MCTP1: variants seen among roughly 807,000 people sequenced by gnomAD.
The protein encoded by MCTP1 is multiple C2 and transmembrane domain containing 1.
MCTP1 carries 69 observed loss-of-function variants against 120.6 expected under a neutral mutation model. The ratio of observed to expected loss-of-function variants is 0.57; its 90% CI spans 0.47 to 0.70. The LOEUF is 0.70. MCTP1 is among the 30% of genes least tolerant of loss of function. The probability of loss-of-function intolerance (pLI) is 0.00; values close to 1 mark genes in which losing one functional copy is unlikely to be tolerated. For synonymous variants in MCTP1, 529 were observed against 493.1 expected (o/e 1.07, Z -0.96); for missense variants, 1,203 against 1,248.8 (o/e 0.96, Z 0.55).
intron 1 of MCTP1, among the ~76,000 whole-genome samples, chr5:95,054,986 T>C (rs1746998271): frequency 6.6e-6 from 1 of 152,122 alleles, no homozygotes; most frequent in African/African-American, 2.4e-5. Context: ...TTTTGTATTT[T>C]TAGTAGAAAA....
chr5:95,059,666 A>C (rs571315600), intron 1 of MCTP1, among the ~76,000 whole-genome samples: 1 of 152,282 alleles, frequency 6.6e-6, no homozygotes, highest in East Asian at 1.9e-4. Context: ...TCATACCCTT[A>C]GTTATATCTT....
chr5:94,747,881 A>G (rs1354466940), intron 19 of MCTP1, among the ~76,000 whole-genome samples: 1 of 152,202 alleles, frequency 6.6e-6, no homozygotes, highest in East Asian at 1.9e-4. Flanking sequence ...ATCTGAGGTC[A>G]GGAGTTTGAG....
chr5:94,920,477 T>C (rs1174336557), intron 7 of MCTP1, among the ~76,000 whole-genome samples: 1 of 152,090 alleles, frequency 6.6e-6, no homozygotes, highest in Non-Finnish European at 1.5e-5. Flanking sequence ...GCGCGGTGGC[T>C]CACGCCTGTA....
intron 17 of MCTP1, among the ~76,000 whole-genome samples, chr5:94,854,855 A>G (rs1794441061): frequency 6.6e-6 from 1 of 151,876 alleles, no homozygotes; most frequent in Non-Finnish European, 1.5e-5. Context: ...CTGATTTTCT[A>G]TAAAAGTGAA....
intron 6 of MCTP1, among the ~76,000 whole-genome samples, chr5:94,925,337 A>G (rs1249172856): frequency 6.6e-6 from 1 of 152,228 alleles, no homozygotes; most frequent in Non-Finnish European, 1.5e-5. Flanking sequence ...ATCTTAAAGC[A>G]TAATTGTAGA....
intron 17 of MCTP1, chr5:94,826,537 A>C: frequency 2.8e-6 from 2 of 715,692 alleles, no homozygotes; most frequent in South Asian, 2.7e-5. Context: ...ATAGTGCTTC[A>C]TTTTTTCATA....
At chr5:95,060,091 GC>G (rs1314372903) in intron 1 of MCTP1, among the ~76,000 whole-genome samples, 1 of 152,152 alleles carries the variant, frequency 6.6e-6, no homozygotes, top group East Asian at 1.9e-4. Flanking sequence ...CAAGCCTGGG[GC>G]TATTCTTTGC....
chr5:94,778,649 T>C (rs935280229), intron 19 of MCTP1, among the ~76,000 whole-genome samples: 1 of 152,166 alleles, frequency 6.6e-6, no homozygotes, highest in Non-Finnish European at 1.5e-5. Context: ...TTAAATGTCC[T>C]CTGGAGCACT....
chr5:94,835,013 G>C (rs547939824), intron 17 of MCTP1, among the ~76,000 whole-genome samples: 1 of 151,910 alleles, frequency 6.6e-6, no homozygotes, highest in African/African-American at 2.4e-5. Flanking sequence ...GTAGAGATGG[G>C]GTTTCACCAT....
chr5:95,137,517 A>AT (rs995495563), intron 1 of MCTP1, among the ~76,000 whole-genome samples: 2 of 152,214 alleles, frequency 1.3e-5, no homozygotes, highest in African/African-American at 4.8e-5. Context: ...TCTAGCAAAG[A>AT]TTTTGCCTCT....
At chr5:94,984,217 C>T (rs986864865) in intron 2 of MCTP1, among the ~76,000 whole-genome samples, 1 of 152,206 alleles carries the variant, frequency 6.6e-6, no homozygotes, top group Non-Finnish European at 1.5e-5. Context: ...TTAACCATCC[C>T]TCACTACCTT....
chr5:95,110,662 T>C (rs1757387864), intron 1 of MCTP1, among the ~76,000 whole-genome samples: 1 of 152,310 alleles, frequency 6.6e-6, no homozygotes, highest in Admixed American at 6.5e-5. Flanking sequence ...CAGATGATAG[T>C]AGCTGCTAAT....
rs556130005 is a variant in MCTP1 at position 95,239,484 on chromosome 5, A to T, written c.720+44372T>A. 4.6e-5 allele frequency among the ~76,000 whole-genome samples: 7 copies of T among 152,324 alleles called. No homozygotes were observed. The South Asian group carries it at 1.4e-3, about 32-fold the overall frequency. On this transcript the variant is annotated intron_variant, in intron 1 of 22. Transcript: ENST00000515393. The stretch of plus-strand genomic sequence containing the variant: ...ATGTTGCCACCAGACATATCTGATG[A>T]GTCTAGTTCTGGGGATGAATTATAA...
chr5:94,954,169 C>CAA lies in MCTP1; in HGVS notation c.839-809_839-808insTT, dbSNP rs1247504632. ...ATACATATATATATGCATATATATACATATATATATATGCATATATATATA... is the reference window on the plus strand; with the variant it reads ...ATACATATATATATGCATATATATACAAATATATATATATGCATATATATATA... On this transcript the variant is annotated intron_variant, in intron 2 of 22. Coordinates refer to ENST00000515393, the MANE Select transcript of MCTP1 (RefSeq NM_024717.7). Among the ~76,000 whole-genome samples the CAA allele has an allele frequency of 2.0e-4, 16 of 79,992 alleles. 1 individual carries two copies. Among genetic ancestry groups the CAA allele is most frequent in the Admixed American group, 7.1e-4 (5 of 7,022 alleles). 52.5% of individuals were successfully genotyped at this position (79,992 alleles called of 152,430 possible).
chr5:94,935,232 G>T (rs1815881443), intron 5 of MCTP1, among the ~76,000 whole-genome samples: 1 of 151,958 alleles, frequency 6.6e-6, no homozygotes, highest in South Asian at 2.1e-4. Flanking sequence ...ACAAATTGCT[G>T]CAATTAGACA....
At chr5:94,993,583 G>C (rs1376851193) in intron 2 of MCTP1, among the ~76,000 whole-genome samples, 1 of 152,076 alleles carries the variant, frequency 6.6e-6, no homozygotes, top group Non-Finnish European at 1.5e-5. Flanking sequence ...TGGGATGAGG[G>C]GCTGCTGTGC....
At chr5:95,100,133 G>C (rs2152365382) in intron 1 of MCTP1, among the ~76,000 whole-genome samples, 1 of 120,724 alleles carries the variant, frequency 8.3e-6, no homozygotes, top group African/African-American at 3.1e-5. Context: ...TGGGGTGGGG[G>C]GAGGGGGGAG....
chr5:94,954,169 CATATATATATATGCAT>C (rs1344062036), intron 2 of MCTP1, among the ~76,000 whole-genome samples: 2 of 80,018 alleles, frequency 2.5e-5, no homozygotes, highest in East Asian at 6.1e-4. Flanking sequence ...CATATATATA[CATATATATATATGCAT>C]ATATATATAT....
chr5:95,079,929 A>G (rs2152311817), intron 1 of MCTP1, among the ~76,000 whole-genome samples: 1 of 152,234 alleles, frequency 6.6e-6, no homozygotes, highest in African/African-American at 2.4e-5. Flanking sequence ...TAACTCCTCT[A>G]ATTGTGAAAA....
Sources: gnomAD v4.1 joint callset for allele counts (sites outside exome capture counted in the v4.1 genomes callset) on GRCh38, gnomAD v4.1.1 for gene constraint, MANE v1.5 for transcripts, NCBI Gene and HGNC (gene_info 2026-07-23, HGNC 2026-07-21) for gene names.